Variants in MACROD2 observed in about 807,000 individuals in gnomAD.
MACROD2 encodes ADP-ribose glycohydrolase MACROD2.
A neutral mutation model predicts 70.4 loss-of-function variants in MACROD2; 36 were observed. The observed-to-expected ratio is 0.51, with a 90% CI of 0.39 to 0.68. The LOEUF is 0.68. MACROD2 is among the 30% of genes least tolerant of loss of function. The probability of loss-of-function intolerance (pLI) is 0.00; values close to 1 mark genes in which losing one functional copy is unlikely to be tolerated. For synonymous variants in MACROD2, 172 were observed against 178.8 expected (o/e 0.96, Z 0.30); for missense variants, 496 against 538.4 (o/e 0.92, Z 0.78).
chr20:14,020,077 T>A (rs2053053133), intron 2 of MACROD2, among the ~76,000 whole-genome samples: 1 of 152,280 alleles, frequency 6.6e-6, no homozygotes, highest in African/African-American at 2.4e-5. Context: ...AGAGGTAAAT[T>A]TGGCTCCTGG....
intron 5 of MACROD2, among the ~76,000 whole-genome samples, chr20:14,728,813 CAG>C (rs2071560153): frequency 1.3e-5 from 2 of 152,094 alleles, no homozygotes; most frequent in South Asian, 4.1e-4. Flanking sequence ...AATGTCAACT[CAG>C]ATAACTCTCC....
intron 2 of MACROD2, among the ~76,000 whole-genome samples, chr20:14,073,363 G>A (rs932300179): frequency 5.9e-5 from 9 of 151,680 alleles, no homozygotes; most frequent in Non-Finnish European, 1.2e-4. Flanking sequence ...TATGATTCAC[G>A]CAAATATAAA....
chr20:14,223,282 A>G (rs1356237656), intron 3 of MACROD2: 7 of 152,244 alleles, frequency 4.6e-5, no homozygotes, highest in Non-Finnish European at 4.4e-5. Flanking sequence ...TCAGCAATGT[A>G]TACAGTCTTG....
chr20:15,203,760 C>T (rs2076677555), intron 5 of MACROD2, among the ~76,000 whole-genome samples: 3 of 152,186 alleles, frequency 2.0e-5, no homozygotes, highest in Admixed American at 2.0e-4. Context: ...CATTACATAG[C>T]AGTTTTTCAT....
At chr20:14,696,890 A>G (rs942465424) in intron 5 of MACROD2, among the ~76,000 whole-genome samples, 1 of 152,078 alleles carries the variant, frequency 6.6e-6, no homozygotes, top group African/African-American at 2.4e-5. Flanking sequence ...GGGCTGGTTG[A>G]GTTTGTTCTT....
chr20:15,927,943 C>T (rs1432834670), intron 10 of MACROD2, among the ~76,000 whole-genome samples: 2 of 152,078 alleles, frequency 1.3e-5, no homozygotes, highest in Admixed American at 6.6e-5. Flanking sequence ...TGGACAGAGT[C>T]GGAAGGGCTT....
chr20:15,812,995 CA>C (rs1418144829), intron 8 of MACROD2, among the ~76,000 whole-genome samples: 1 of 152,126 alleles, frequency 6.6e-6, no homozygotes, highest in Non-Finnish European at 1.5e-5. Flanking sequence ...TCAGGTACCC[CA>C]GAAATATCTC....
At chr20:15,738,060 T>A (rs1469151833) in intron 8 of MACROD2, among the ~76,000 whole-genome samples, 1 of 151,996 alleles carries the variant, frequency 6.6e-6, no homozygotes, top group Admixed American at 6.6e-5. Flanking sequence ...GAAAGGGGAA[T>A]AGAGGGATGG....
intron 5 of MACROD2, among the ~76,000 whole-genome samples, chr20:14,772,913 T>C (rs934376639): frequency 1.3e-5 from 2 of 152,036 alleles, no homozygotes; most frequent in East Asian, 3.9e-4. Context: ...ATATAACAAG[T>C]CCAAAGGTAG....
intron 8 of MACROD2, among the ~76,000 whole-genome samples, chr20:15,759,468 A>C (rs999987345): frequency 6.6e-6 from 1 of 152,174 alleles, no homozygotes; most frequent in East Asian, 1.9e-4. Flanking sequence ...GCAATAATTT[A>C]CATGTTTAAT....
intron 5 of MACROD2, among the ~76,000 whole-genome samples, chr20:14,820,403 A>C (rs1401643322): frequency 8.2e-6 from 1 of 121,700 alleles, no homozygotes; most frequent in Non-Finnish European, 1.7e-5. Flanking sequence ...TTTTATAATT[A>C]AAAAGGAATT....
rs967880357 is a variant in MACROD2, at chr20:14,597,032, A to G, written c.302-87811A>G. ...AATGAAGTGTCATCTTTTCAAAATG[A>G]CCGTTTTATCTTACAAATATCATTT... On this transcript the variant is annotated intron_variant, in intron 4 of 17. Transcript: ENST00000684519. Among the ~76,000 whole-genome samples the G allele has an allele frequency of 5.9e-5, 9 of 152,290 alleles. No homozygotes were observed. In the East Asian group the frequency reaches 1.7e-3, roughly 29 times the overall value.
At chr20:14,295,527 G>A (rs1025142422) in intron 3 of MACROD2, among the ~76,000 whole-genome samples, 4 of 151,702 alleles carry the variant, frequency 2.6e-5, no homozygotes, top group African/African-American at 9.7e-5. Context: ...AAACCCACTG[G>A]GATTTGCAAG....
chr20:14,417,974 T>C (rs2122885836), intron 3 of MACROD2, among the ~76,000 whole-genome samples: 1 of 152,358 alleles, frequency 6.6e-6, no homozygotes, highest in Non-Finnish European at 1.5e-5. Context: ...ACTTCTGTTA[T>C]AAATCAGGAG....
chr20:15,622,320 T>G (rs889191883), intron 8 of MACROD2, among the ~76,000 whole-genome samples: 4 of 152,228 alleles, frequency 2.6e-5, no homozygotes, highest in African/African-American at 7.2e-5. Context: ...GTGAACTTTT[T>G]CCATAAAATA....
intron 5 of MACROD2, among the ~76,000 whole-genome samples, chr20:14,719,603 T>C (rs923949568): frequency 6.6e-6 from 1 of 152,146 alleles, no homozygotes; most frequent in Admixed American, 6.5e-5. Context: ...TTAAAGAATA[T>C]TGGAAATAAA....
chr20:15,250,283 T>A (rs1027581412), intron 6 of MACROD2, among the ~76,000 whole-genome samples: 3 of 152,246 alleles, frequency 2.0e-5, no homozygotes, highest in Non-Finnish European at 2.9e-5. Flanking sequence ...GTTGCCTCTG[T>A]GTCTGCACAG....
intron 8 of MACROD2, among the ~76,000 whole-genome samples, chr20:15,541,999 A>G (rs1004224708): frequency 1.3e-5 from 2 of 152,248 alleles, no homozygotes; most frequent in Non-Finnish European, 2.9e-5. Flanking sequence ...ATCTTTAGGC[A>G]GAGGCATCCA....
At chr20:14,346,093 C>CAAAAAAAAAAA (rs71190130) in intron 3 of MACROD2, among the ~76,000 whole-genome samples, 3 of 41,152 alleles carry the variant, frequency 7.3e-5, no homozygotes, top group Non-Finnish European at 1.2e-4. Context: ...GATTCTGCCT[C>CAAAAAAAAAAA]AAAAAAAAAA....
Sources: allele counts gnomAD v4.1 joint callset (sites outside exome capture counted in the v4.1 genomes callset), GRCh38; gene constraint gnomAD v4.1.1; transcripts MANE v1.5; gene names NCBI Gene and HGNC (gene_info 2026-07-23, HGNC 2026-07-21).